BMPR1A: variants seen among roughly 807,000 people sequenced by gnomAD.
BMPR1A encodes the protein bone morphogenetic protein receptor type-1A.
Under a neutral mutation model 66.0 loss-of-function variants are expected in BMPR1A, and 7 were observed. The ratio of observed to expected loss-of-function variants is 0.11; its 90% CI spans 0.06 to 0.20. The LOEUF (loss-of-function observed/expected upper bound fraction) is 0.20. Among genes scored for constraint, BMPR1A ranks in the 10% least tolerant of loss-of-function variants. BMPR1A has a pLI of 1.00. For missense variants in BMPR1A, 408 were observed against 669.1 expected, an observed-to-expected ratio of 0.61 and a Z score of 4.31; for synonymous variants, 200 against 229.7, an observed-to-expected ratio of 0.87 and a Z score of 1.17.
chr10:86,870,504 C>G (rs1054449126), intron 2 of BMPR1A, among the ~76,000 whole-genome samples: 15 of 152,168 alleles, frequency 9.9e-5, no homozygotes, highest in African/African-American at 3.6e-4. Context: ...TTCACTGCAG[C>G]CTTGAACTCC....
At chr10:86,821,561 A>G (rs1031933823) in intron 1 of BMPR1A, among the ~76,000 whole-genome samples, 4 of 152,140 alleles carry the variant, frequency 2.6e-5, no homozygotes, top group Non-Finnish European at 5.9e-5. Context: ...TGCTCTCTAG[A>G]GAGGCTGCAT....
At position 86,790,171 on chromosome 10, in the gene BMPR1A, AAAAAAAAAAAAAAAAAAAT is replaced by A. The variant is rs1443661041; in HGVS notation, c.-268+33254_-268+33272del. Among the ~76,000 whole-genome samples the A allele has an allele frequency of 7.6e-4, 26 of 34,132 alleles. 2 individuals carry two copies. Among genetic ancestry groups the A allele is most frequent in the Admixed American group, 5.1e-3 (11 of 2,178 alleles). The allele number at this position is 34,132 out of a possible 152,430, so 22.4% of individuals were successfully genotyped here. A position where few individuals can be genotyped will look rare whatever the true frequency, so the allele number is the denominator to read the frequency against. On this transcript the variant is annotated intron_variant, in intron 1 of 12. Coordinates refer to ENST00000372037, the MANE Select transcript of BMPR1A (RefSeq NM_004329.3). Reference sequence around the variant, plus strand: ...AGCGAGACTCTGTCTCCAAAAAAAAAAAAAAAAAAAAAAAAAAATATATATATATATATATATATATATA... The same window carrying A: ...AGCGAGACTCTGTCTCCAAAAAAAAAATATATATATATATATATATATATA...
intron 1 of BMPR1A, among the ~76,000 whole-genome samples, chr10:86,829,651 A>G (rs754798384): frequency 7.2e-4 from 109 of 152,370 alleles, no homozygotes; most frequent in Admixed American, 1.4e-3. Context: ...TTTCGAGGAT[A>G]TTAATAAATG....
At chr10:86,807,128 A>T (rs948299468) in intron 1 of BMPR1A, among the ~76,000 whole-genome samples, 5 of 152,120 alleles carry the variant, frequency 3.3e-5, no homozygotes, top group African/African-American at 1.2e-4. Context: ...TCTCATTGAT[A>T]CTGGGGTGTC....
At chr10:86,865,873 T>G (rs552841774) in intron 2 of BMPR1A, among the ~76,000 whole-genome samples, 1 of 152,352 alleles carries the variant, frequency 6.6e-6, no homozygotes, top group East Asian at 1.9e-4. Flanking sequence ...ACCCAGCCAC[T>G]GCTGATGCCT....
chr10:86,907,295 C>T (rs1843409907), intron 7 of BMPR1A, among the ~76,000 whole-genome samples: 2 of 152,198 alleles, frequency 1.3e-5, no homozygotes, highest in South Asian at 4.1e-4. Context: ...AGATATCAAC[C>T]TCACCCCAAT....
At chr10:86,767,414 C>T (rs1319811445) in intron 1 of BMPR1A, among the ~76,000 whole-genome samples, 1 of 152,132 alleles carries the variant, frequency 6.6e-6, no homozygotes, top group Admixed American at 6.5e-5. Flanking sequence ...CCTGGTGGCT[C>T]ATGCTTGTAA....
intron 2 of BMPR1A, among the ~76,000 whole-genome samples, chr10:86,851,492 A>G (rs1381995190): frequency 6.6e-6 from 1 of 152,224 alleles, no homozygotes; most frequent in African/African-American, 2.4e-5. Context: ...TACATGGCAC[A>G]TAACCAAGTC....
downstream of BMPR1A, chr10:86,929,459 G>A (rs534342476): frequency 6.6e-6 from 1 of 152,300 alleles, no homozygotes; most frequent in Non-Finnish European, 1.5e-5. Context: ...CTGTTTTCAG[G>A]TGTATGTGAA....
intron 1 of BMPR1A, among the ~76,000 whole-genome samples, chr10:86,832,358 T>C (rs994839417): frequency 5.9e-5 from 9 of 151,544 alleles, no homozygotes; most frequent in South Asian, 4.2e-4. Context: ...CCCAGCTACT[T>C]GGGAGGCTGA....
intron 1 of BMPR1A, among the ~76,000 whole-genome samples, chr10:86,833,629 G>A (rs943249997): frequency 2.0e-5 from 3 of 152,142 alleles, no homozygotes; most frequent in Non-Finnish European, 4.4e-5. Flanking sequence ...TGTGCTGGTG[G>A]TTGATGGCTT....
intron 1 of BMPR1A, among the ~76,000 whole-genome samples, chr10:86,796,028 A>G (rs1314055090): frequency 6.6e-6 from 1 of 152,154 alleles, no homozygotes; most frequent in Non-Finnish European, 1.5e-5. Context: ...AGCAGTTACA[A>G]TATTTCTTTT....
intron 1 of BMPR1A, among the ~76,000 whole-genome samples, chr10:86,792,307 C>T (rs986053387): frequency 4.6e-5 from 7 of 151,886 alleles, no homozygotes; most frequent in South Asian, 2.1e-4. Flanking sequence ...CATTGTGGTC[C>T]GCTTGCCTCA....
chr10:86,780,524 T>C (rs1841421371), intron 1 of BMPR1A, among the ~76,000 whole-genome samples: 1 of 151,908 alleles, frequency 6.6e-6, no homozygotes, highest in Non-Finnish European at 1.5e-5. Context: ...AACCTCCGCC[T>C]CCCAGGTTCA....
intron 1 of BMPR1A, among the ~76,000 whole-genome samples, chr10:86,809,615 C>CTTTTTTG (rs748250326): frequency 1.1e-5 from 1 of 94,962 alleles, no homozygotes; most frequent in Admixed American, 1.1e-4. Flanking sequence ...TTTTTTTTCT[C>CTTTTTTG]TTTTTTCTTT....
chr10:86,860,183 A>G (rs1351034230), intron 2 of BMPR1A, among the ~76,000 whole-genome samples: 1 of 152,218 alleles, frequency 6.6e-6, no homozygotes, highest in African/African-American at 2.4e-5. Context: ...GAGAATGAGC[A>G]AATATGACCA....
intron 10 of BMPR1A, among the ~76,000 whole-genome samples, chr10:86,919,801 G>C (rs1843635821): frequency 6.6e-6 from 1 of 151,808 alleles, no homozygotes; most frequent in African/African-American, 2.4e-5. Flanking sequence ...TCGACCTCAT[G>C]GGCTCAAGCA....
At chr10:86,848,076 C>T (rs1004962375) in intron 2 of BMPR1A, among the ~76,000 whole-genome samples, 1 of 151,904 alleles carries the variant, frequency 6.6e-6, no homozygotes, top group Admixed American at 6.6e-5. Flanking sequence ...GGACTACAGG[C>T]GCCTGCCACC....
In BMPR1A at chr10:86,849,648, T is replaced by C. The variant is rs574651609; in HGVS notation, c.-153+10669T>C. ...CTCCGATATGGTTGTCATTAGCCAC[T>C]TGTATTTTGACTACTGAGTAGCCAC... On this transcript the variant is annotated intron_variant, in intron 2 of 12. Transcript: ENST00000372037. 6.8e-4 allele frequency among the ~76,000 whole-genome samples: 103 copies of C among 152,370 alleles called. 1 individual carries two copies. The highest frequency in any genetic ancestry group is 6.8e-3 in the Middle Eastern group (2 of 294).
Sources: allele counts gnomAD v4.1 joint callset (sites outside exome capture counted in the v4.1 genomes callset), GRCh38; gene constraint gnomAD v4.1.1; transcripts MANE v1.5; gene names NCBI Gene and HGNC (gene_info 2026-07-23, HGNC 2026-07-21).